The following PPHLN1 variants were observed in gnomAD, a reference collection of about 807,000 sequenced individuals.
PPHLN1 encodes the protein periphilin 1, also known as periphilin-1.
A neutral mutation model predicts 51.3 loss-of-function variants in PPHLN1; 29 were observed. That is an observed-to-expected ratio of 0.57 (90% CI 0.42 to 0.77). The LOEUF (loss-of-function observed/expected upper bound fraction) is 0.77. Among genes scored for constraint, PPHLN1 ranks in the 30% least tolerant of loss-of-function variants. PPHLN1 has a pLI of 0.00. For missense variants in PPHLN1, 436 were observed against 438.4 expected (o/e 0.99, Z 0.05); for synonymous variants, 147 against 147.8 (o/e 0.99, Z 0.04).
At chr12:42,398,588 C>T (rs1418167330) in intron 8 of PPHLN1, 1 of 273,564 alleles carries the variant, frequency 3.7e-6, no homozygotes, top group African/African-American at 2.2e-5. Flanking sequence ...TGGAATGAAA[C>T]AGAAGATTAG....
At chr12:42,404,891 G>T (rs908528606) in intron 9 of PPHLN1, among the ~76,000 whole-genome samples, 10 of 152,058 alleles carry the variant, frequency 6.6e-5, no homozygotes, top group African/African-American at 2.2e-4. Flanking sequence ...GCCGGGCGTG[G>T]TGGCCCATGC....
At chr12:42,334,635 G>C (rs116142757) in intron 1 of PPHLN1, among the ~76,000 whole-genome samples, 178 of 152,258 alleles carry the variant, frequency 1.2e-3, no homozygotes, top group African/African-American at 4.2e-3. Context: ...TTTTTGAAAT[G>C]TGTTTCTTCT....
intron 9 of PPHLN1, among the ~76,000 whole-genome samples, chr12:42,431,498 A>G (rs1447438468): frequency 6.6e-6 from 1 of 152,218 alleles, no homozygotes; most frequent in Non-Finnish European, 1.5e-5. Flanking sequence ...GTGTCAAAGT[A>G]TGTTTAACAT....
At chr12:42,357,971 A>AT in intron 4 of PPHLN1, among the ~76,000 whole-genome samples, 1 of 152,194 alleles carries the variant, frequency 6.6e-6, no homozygotes, top group South Asian at 2.1e-4. Flanking sequence ...AAGTGAGAAC[A>AT]TTCAGTCTCT....
chr12:42,438,810 G>A (rs1431571079), intron 9 of PPHLN1, among the ~76,000 whole-genome samples: 2 of 151,930 alleles, frequency 1.3e-5, no homozygotes, highest in African/African-American at 4.8e-5. Context: ...CATCATATTG[G>A]TCAGGCTGGT....
At chr12:42,380,740 A>G (rs1470535985) in intron 5 of PPHLN1, among the ~76,000 whole-genome samples, 2 of 152,268 alleles carry the variant, frequency 1.3e-5, no homozygotes, top group South Asian at 4.1e-4. Flanking sequence ...TTGAAGAGGT[A>G]ATAGGAATAT....
chr12:42,402,397 T>A (rs998973855), intron 9 of PPHLN1, among the ~76,000 whole-genome samples: 5 of 152,218 alleles, frequency 3.3e-5, no homozygotes, highest in Non-Finnish European at 7.3e-5. Flanking sequence ...GACTTTATTT[T>A]GTTGATTGTT....
rs569742042 is a variant in PPHLN1, at chr12:42,395,236, A to G, written c.768+1547A>G. ...AAATTAATGAAAAGTAAATAACCCT[A>G]AAAAAAATCTGTAAGTTGAGTCATA... is the stretch of plus-strand genomic sequence containing the variant. On this transcript the variant is annotated intron_variant, in intron 8 of 9. Transcript: ENST00000358314. 2.4e-4 allele frequency among the ~76,000 whole-genome samples: 36 copies of G among 151,990 alleles called. 1 individual carries two copies. Among genetic ancestry groups the G allele is most frequent in the South Asian group, 6.2e-4 (3 of 4,816 alleles).
chr12:42,347,805 A>AT (rs1172508398), intron 2 of PPHLN1, among the ~76,000 whole-genome samples: 1 of 152,186 alleles, frequency 6.6e-6, no homozygotes, highest in Non-Finnish European at 1.5e-5. Context: ...GAAATTCTGA[A>AT]TTCTTTGCCA....
intron 2 of PPHLN1, among the ~76,000 whole-genome samples, chr12:42,349,830 C>T (rs549574135): frequency 6.6e-6 from 1 of 152,252 alleles, no homozygotes; most frequent in Non-Finnish European, 1.5e-5. Context: ...CAGTCACAAT[C>T]TGATCTCTCT....
intron 2 of PPHLN1, among the ~76,000 whole-genome samples, chr12:42,341,126 C>T (rs1049182905): frequency 2.0e-5 from 3 of 151,938 alleles, no homozygotes; most frequent in East Asian, 1.9e-4. Flanking sequence ...GGATTACAGG[C>T]GCCTACCACC....
At chr12:42,362,132 A>T (rs1035178618) in intron 4 of PPHLN1, among the ~76,000 whole-genome samples, 5 of 152,170 alleles carry the variant, frequency 3.3e-5, no homozygotes, top group African/African-American at 9.7e-5. Context: ...CATTTTCCTA[A>T]TGATGACTAG....
chr12:42,411,845 AGT>A (rs1311492061), intron 9 of PPHLN1, among the ~76,000 whole-genome samples: 2 of 135,136 alleles, frequency 1.5e-5, no homozygotes, highest in African/African-American at 5.6e-5. Context: ...TGGAGGTTGC[AGT>A]GTGTGGAGAT....
chr12:42,383,259 G>C (rs1215298942), intron 5 of PPHLN1, among the ~76,000 whole-genome samples: 2 of 152,202 alleles, frequency 1.3e-5, no homozygotes, highest in Admixed American at 6.5e-5. Flanking sequence ...TATCTGTGGA[G>C]TGTAGATTCT....
chr12:42,387,380 T>G (rs1451777478), intron 6 of PPHLN1, 76 bp from the exon 7 acceptor site: 2 of 1,482,272 alleles, frequency 1.3e-6, no homozygotes, highest in Middle Eastern at 2.4e-4. Flanking sequence ...ACCCCCACAT[T>G]AATTCCATTA....
At chr12:42,436,135 C>T (rs2082458841) in intron 9 of PPHLN1, among the ~76,000 whole-genome samples, 1 of 152,204 alleles carries the variant, frequency 6.6e-6, no homozygotes, top group African/African-American at 2.4e-5. Flanking sequence ...TTTGATCTTT[C>T]TCTGGCATTT....
intron 3 of PPHLN1, among the ~76,000 whole-genome samples, chr12:42,353,754 T>C (rs1356882436): frequency 6.6e-6 from 1 of 152,206 alleles, no homozygotes; most frequent in Non-Finnish European, 1.5e-5. Context: ...GTTACCACTT[T>C]TATGAAAATC....
chr12:42,395,731 T>C (rs2078144641), intron 8 of PPHLN1, among the ~76,000 whole-genome samples: 1 of 152,100 alleles, frequency 6.6e-6, no homozygotes, highest in African/African-American at 2.4e-5. Flanking sequence ...TTAAATCTAA[T>C]TGTGGCAATA....
chr12:42,422,804 C>A (rs1446691344), intron 9 of PPHLN1, among the ~76,000 whole-genome samples: 1 of 152,176 alleles, frequency 6.6e-6, no homozygotes, highest in African/African-American at 2.4e-5. Context: ...TTCCTTAATA[C>A]TGGCTTACCC....
Sources: allele counts gnomAD v4.1 joint callset (sites outside exome capture counted in the v4.1 genomes callset), GRCh38; gene constraint gnomAD v4.1.1; transcripts MANE v1.5; gene names NCBI Gene and HGNC (gene_info 2026-07-23, HGNC 2026-07-21).